C10orf67: variants seen among roughly 807,000 people sequenced by gnomAD.
C10orf67 encodes uncharacterized protein C10orf67, mitochondrial.
C10orf67 carries 60 observed loss-of-function variants against 35.6 expected under a neutral mutation model. The ratio of observed to expected loss-of-function variants is 1.68; its 90% CI spans 1.37 to 2.09. The LOEUF (loss-of-function observed/expected upper bound fraction) is 2.09. Ranked by LOEUF, C10orf67 falls within the 30% of genes most tolerant of loss-of-function variation. The pLI, the probability that C10orf67 is intolerant of heterozygous loss-of-function variation, is 0.00. For synonymous variants in C10orf67, 167 were observed against 115.8 expected (o/e 1.44, Z -2.84); for missense variants, 474 against 330.2 (o/e 1.44, Z -3.38).
intron 15 of C10orf67, among the ~76,000 whole-genome samples, chr10:23,212,056 G>T (rs1487647082): frequency 1.3e-5 from 2 of 152,130 alleles, no homozygotes; most frequent in Non-Finnish European, 2.9e-5. Flanking sequence ...TTAAGATGAG[G>T]TCATTAGGGT....
chr10:23,207,707 A>G (rs1281525821), intron 15 of C10orf67, among the ~76,000 whole-genome samples: 4 of 152,216 alleles, frequency 2.6e-5, no homozygotes, highest in African/African-American at 9.6e-5. Flanking sequence ...TTGGAAAGCT[A>G]ATCAGTACAC....
chr10:23,275,090 G>A (rs550088542), intron 8 of C10orf67, among the ~76,000 whole-genome samples: 2 of 152,066 alleles, frequency 1.3e-5, no homozygotes, highest in Admixed American at 6.5e-5. Flanking sequence ...ATAATTGTAG[G>A]GGAGAGAATT....
chr10:23,259,693 A>C (rs1315204492), intron 10 of C10orf67, among the ~76,000 whole-genome samples: 4 of 152,158 alleles, frequency 2.6e-5, no homozygotes, highest in African/African-American at 9.6e-5. Flanking sequence ...ATAGACAGGG[A>C]ATTTCATCAG....
chr10:23,327,683 G>A (rs1291266848), intron 2 of C10orf67, among the ~76,000 whole-genome samples: 6 of 152,036 alleles, frequency 3.9e-5, no homozygotes, highest in Non-Finnish European at 8.8e-5. Context: ...AAATTATCCG[G>A]GCGTGGTGGC....
rs1338478322 is a variant in C10orf67, at chr10:23,289,880, A to T, written c.909+20T>A. 1.4e-6 allele frequency: 1 copy of T among 714,570 alleles called. No homozygotes were observed. The highest frequency in any genetic ancestry group is 1.5e-5 in the South Asian group (1 of 66,630). The allele number at this position is 714,570 out of a possible 1,614,324, so 44.3% of individuals were successfully genotyped here. On this transcript the variant is annotated intron_variant, in intron 7 of 15. Transcript: ENST00000636213. The stretch of plus-strand genomic sequence containing the variant: ...GTTCCATTTAAAAGAGTCATTTATC[A>T]ACGTAAAACGTTATAGTACCTTTTG...
At chr10:23,239,531 C>A (rs1248419041) in intron 13 of C10orf67, among the ~76,000 whole-genome samples, 198 bp downstream of exon 13, 1 of 152,214 alleles carries the variant, frequency 6.6e-6, no homozygotes, top group Non-Finnish European at 1.5e-5. Flanking sequence ...TTTGTTTACA[C>A]ATCTACCTCT....
At chr10:23,214,769 C>T (rs979200647) in intron 15 of C10orf67, among the ~76,000 whole-genome samples, 2 of 152,090 alleles carry the variant, frequency 1.3e-5, no homozygotes, top group Non-Finnish European at 2.9e-5. Context: ...CGCCCGTAAT[C>T]CCCAGCACTT....
At chr10:23,342,707 C>G (rs1281628175) in intron 1 of C10orf67, among the ~76,000 whole-genome samples, 1 of 152,188 alleles carries the variant, frequency 6.6e-6, no homozygotes, top group Non-Finnish European at 1.5e-5. Flanking sequence ...AAATGCTATT[C>G]ACAACCACCA....
chr10:23,234,292 T>G (rs1227794220), intron 13 of C10orf67, among the ~76,000 whole-genome samples: 1 of 152,190 alleles, frequency 6.6e-6, no homozygotes, highest in East Asian at 1.9e-4. Flanking sequence ...ATCAATGATA[T>G]ACTGGATAAT....
intron 5 of C10orf67, among the ~76,000 whole-genome samples, chr10:23,295,069 G>A (rs946206775): frequency 2.6e-5 from 4 of 152,336 alleles, no homozygotes; most frequent in South Asian, 2.1e-4. Context: ...CAGGAGGGGA[G>A]AGCAGACACG....
intron 5 of C10orf67, among the ~76,000 whole-genome samples, chr10:23,294,511 C>G (rs902062577): frequency 2.0e-5 from 3 of 152,150 alleles, no homozygotes; most frequent in Non-Finnish European, 2.9e-5. Context: ...CAATGGTATG[C>G]AGCTGAGTCA....
intron 10 of C10orf67, among the ~76,000 whole-genome samples, chr10:23,252,259 C>A (rs955363781): frequency 6.6e-6 from 1 of 152,144 alleles, no homozygotes. Context: ...CTGCCTATTG[C>A]CTTTTTTTCA....
chr10:23,260,635 T>C (rs1322937514), intron 10 of C10orf67, among the ~76,000 whole-genome samples: 1 of 152,190 alleles, frequency 6.6e-6, no homozygotes, highest in Non-Finnish European at 1.5e-5. Flanking sequence ...TGGACAGATA[T>C]GAGTTTTAAG....
intron 8 of C10orf67, among the ~76,000 whole-genome samples, chr10:23,277,562 A>T (rs1843227720): frequency 2.0e-5 from 3 of 152,114 alleles, no homozygotes; most frequent in African/African-American, 7.2e-5. Context: ...AAAAAAAAAA[A>T]AAAAATAATA....
intron 4 of C10orf67, among the ~76,000 whole-genome samples, chr10:23,307,093 T>C (rs897471521): frequency 2.0e-5 from 3 of 152,204 alleles, no homozygotes; most frequent in Non-Finnish European, 4.4e-5. Context: ...GTTTTAAGCA[T>C]TTAGATGCTT....
chr10:23,332,952 A>G, intron 2 of C10orf67, 110 bp downstream of exon 2: 1 of 1,095,372 alleles, frequency 9.1e-7, no homozygotes, highest in Non-Finnish European at 1.3e-6. Flanking sequence ...TTTGTCAAAG[A>G]TGCTAACATT....
At chr10:23,237,065 C>G (rs545137119) in intron 13 of C10orf67, among the ~76,000 whole-genome samples, 1 of 151,998 alleles carries the variant, frequency 6.6e-6, no homozygotes, top group Non-Finnish European at 1.5e-5. Flanking sequence ...AAGTAGGCCC[C>G]CATGTCTGTT....
At chr10:23,321,196 A>G (rs974932898) in intron 3 of C10orf67, among the ~76,000 whole-genome samples, 19 of 152,202 alleles carry the variant, frequency 1.2e-4, no homozygotes, top group African/African-American at 4.6e-4. Flanking sequence ...AAAGAAATCT[A>G]TACAGCTAGT....
intron 15 of C10orf67, among the ~76,000 whole-genome samples, chr10:23,214,760 G>A (rs1240960626): frequency 2.6e-5 from 4 of 152,100 alleles, no homozygotes; most frequent in Non-Finnish European, 5.9e-5. Context: ...AGTGGCTCAC[G>A]CCCGTAATCC....
Sources: gnomAD v4.1 joint callset for allele counts (sites outside exome capture counted in the v4.1 genomes callset) on GRCh38, gnomAD v4.1.1 for gene constraint, MANE v1.5 for transcripts, NCBI Gene and HGNC (gene_info 2026-07-23, HGNC 2026-07-21) for gene names.